Variants in CDC42SE2 observed in about 807,000 individuals in gnomAD.
The protein encoded by CDC42SE2 is CDC42 small effector protein 2.
CDC42SE2 carries 3 observed loss-of-function variants against 11.5 expected under a neutral mutation model. That is an observed-to-expected ratio of 0.26 (90% CI 0.12 to 0.67). The LOEUF (loss-of-function observed/expected upper bound fraction) is 0.67, where lower values mean the gene tolerates loss of function less well. CDC42SE2 is among the 30% of genes least tolerant of loss of function. CDC42SE2 has a pLI of 0.80. For synonymous variants in CDC42SE2, 33 were observed against 34.8 expected, an observed-to-expected ratio of 0.95 and a Z score of 0.18; for missense variants, 82 against 106.8, an observed-to-expected ratio of 0.77 and a Z score of 1.02.
intron 1 of CDC42SE2, among the ~76,000 whole-genome samples, chr5:131,272,827 C>G (rs901715215): frequency 9.9e-5 from 15 of 152,176 alleles, no homozygotes; most frequent in African/African-American, 2.7e-4. Flanking sequence ...TCTACCATAA[C>G]AGCTCTTTTT....
At chr5:131,214,491 CT>C in the CDC42SE2 span, among the ~76,000 whole-genome samples, 3 of 151,944 alleles carry the variant, frequency 2.0e-5, no homozygotes, top group Non-Finnish European at 2.9e-5. Flanking sequence ...TCTATGTAGC[CT>C]TTTTTTTCCC....
At chr5:131,244,511 G>A (rs1352109607), upstream of CDC42SE2, among the ~76,000 whole-genome samples, 1 of 152,198 alleles carries the variant, frequency 6.6e-6, no homozygotes, top group East Asian at 1.9e-4. Flanking sequence ...AGGAGTTCGA[G>A]ACCAGCCTAG....
At chr5:131,322,961 T>TTTTTG (rs1416401880) in intron 2 of CDC42SE2, among the ~76,000 whole-genome samples, 1 of 152,164 alleles carries the variant, frequency 6.6e-6, no homozygotes, top group Non-Finnish European at 1.5e-5. Context: ...CTGTGTGTGG[T>TTTTTG]TTTTGTTTTG....
intron 3 of CDC42SE2, among the ~76,000 whole-genome samples, chr5:131,377,925 T>C (rs1750203420): frequency 6.6e-6 from 1 of 152,274 alleles, no homozygotes. Flanking sequence ...TTTAGAGAAC[T>C]GAGCTGACAT....
chr5:131,289,528 C>A (rs970462153), intron 1 of CDC42SE2, among the ~76,000 whole-genome samples: 2 of 152,140 alleles, frequency 1.3e-5, no homozygotes, highest in African/African-American at 4.8e-5. Context: ...AAAAAATTAG[C>A]TGGGCGTGGT....
intron 1 of CDC42SE2, among the ~76,000 whole-genome samples, chr5:131,277,730 ACC>A: frequency 6.6e-6 from 1 of 152,066 alleles, no homozygotes; most frequent in South Asian, 2.1e-4. Flanking sequence ...CTGGCCCTTT[ACC>A]TTTCCAATCT....
Position 131,386,633 on chromosome 5 carries a change from G to A in CDC42SE2, c.156+989G>A, listed in dbSNP as rs188319198. 6.6e-5 allele frequency among the ~76,000 whole-genome samples: 10 copies of A among 152,320 alleles called. No individual in the cohort carries two copies. In the East Asian group the frequency reaches 1.9e-3, roughly 29 times the overall value. ...CTTTTAGTCCTTAATTTTTGTTGAA[G>A]AGAAAACCAGAATGCATTATAATAG... On this transcript the variant is annotated intron_variant, in intron 4 of 4. Coordinates refer to ENST00000505065, the MANE Select transcript of CDC42SE2 (RefSeq NM_001375635.1).
At chr5:131,289,628 G>T (rs1175995466) in intron 1 of CDC42SE2, among the ~76,000 whole-genome samples, 1 of 151,026 alleles carries the variant, frequency 6.6e-6, no homozygotes. Flanking sequence ...AGCTGAGATC[G>T]CACCACTGCA....
At chr5:131,295,171 T>TAA (rs1393916212) in intron 1 of CDC42SE2, among the ~76,000 whole-genome samples, 1 of 150,184 alleles carries the variant, frequency 6.7e-6, no homozygotes, top group Non-Finnish European at 1.5e-5. Context: ...TAATCCTAGC[T>TAA]ACTTGGGAGA....
At position 131,282,459 on chromosome 5, in the gene CDC42SE2, A is replaced by G. The variant is rs369426605; in HGVS notation, c.-455+18293A>G. On this transcript the variant is annotated intron_variant, in intron 1 of 4. Coordinates refer to ENST00000505065, the MANE Select transcript of CDC42SE2 (RefSeq NM_001375635.1). ...TACTAAATATGTTGTTGGAGGTAGT[A>G]TAAATCTGGAACCTGTTTCAAAAGC... Among the ~76,000 whole-genome samples, 8 of 152,298 alleles carry G rather than the reference A, an allele frequency of 5.3e-5. No homozygotes were observed. In the East Asian group the frequency reaches 9.6e-4, roughly 18 times the overall value.
At chr5:131,380,660 A>G (rs542494827) in intron 3 of CDC42SE2, among the ~76,000 whole-genome samples, 1 of 152,210 alleles carries the variant, frequency 6.6e-6, no homozygotes, top group African/African-American at 2.4e-5. Context: ...AAGGTTGACA[A>G]TCCATTTTCT....
At chr5:131,226,451 C>T in the CDC42SE2 span, among the ~76,000 whole-genome samples, 1 of 152,204 alleles carries the variant, frequency 6.6e-6, no homozygotes, top group Non-Finnish European at 1.5e-5. Flanking sequence ...AAGGAATAAT[C>T]CTGATACATA....
intron 1 of CDC42SE2, among the ~76,000 whole-genome samples, chr5:131,305,331 A>G (rs1382057421): frequency 6.6e-6 from 1 of 152,236 alleles, no homozygotes; most frequent in Non-Finnish European, 1.5e-5. Flanking sequence ...TGAGCAAAGA[A>G]TGGTACATGA....
At chr5:131,252,561 C>A (rs1363515593) in intron 1 of CDC42SE2, among the ~76,000 whole-genome samples, 1 of 152,174 alleles carries the variant, frequency 6.6e-6, no homozygotes, top group Non-Finnish European at 1.5e-5. Flanking sequence ...GGAGGCTGAG[C>A]AGGGGAATTG....
chr5:131,320,245 A>T (rs1164878455), intron 2 of CDC42SE2, among the ~76,000 whole-genome samples: 1 of 150,270 alleles, frequency 6.7e-6, no homozygotes, highest in Non-Finnish European at 1.5e-5. Flanking sequence ...AAAAAAATTA[A>T]GTCAGGCGTG....
At chr5:131,355,503 A>C (rs1749510155) in intron 2 of CDC42SE2, among the ~76,000 whole-genome samples, 1 of 152,068 alleles carries the variant, frequency 6.6e-6, no homozygotes, top group Non-Finnish European at 1.5e-5. Flanking sequence ...AGAGAGAAAG[A>C]GAAGAGAGAG....
At chr5:131,335,867 C>T (rs1169602671) in intron 2 of CDC42SE2, among the ~76,000 whole-genome samples, 2 of 152,194 alleles carry the variant, frequency 1.3e-5, no homozygotes, top group Non-Finnish European at 2.9e-5. Context: ...TGTTTCTCTG[C>T]ACATGAGATG....
chr5:131,348,424 C>T (rs1758911249), intron 2 of CDC42SE2, among the ~76,000 whole-genome samples: 1 of 152,118 alleles, frequency 6.6e-6, no homozygotes, highest in African/African-American at 2.4e-5. Context: ...CCTAGGAATC[C>T]AACTTACAAG....
chr5:131,242,087 T>G (rs577475109), upstream of CDC42SE2, among the ~76,000 whole-genome samples: 323 of 152,360 alleles, frequency 2.1e-3, 3 homozygotes, highest in African/African-American at 7.1e-3. Context: ...ATATCTGAAT[T>G]TTATTTTGGC....
Sources: gnomAD v4.1 joint callset for allele counts (sites outside exome capture counted in the v4.1 genomes callset) on GRCh38, gnomAD v4.1.1 for gene constraint, MANE v1.5 for transcripts, NCBI Gene and HGNC (gene_info 2026-07-23, HGNC 2026-07-21) for gene names.